The following CDH13 variants were observed in gnomAD, a reference collection of about 807,000 sequenced individuals.
CDH13 encodes cadherin 13, also known as cadherin-13.
CDH13 carries 24 observed loss-of-function variants against 63.8 expected under a neutral mutation model. The ratio of observed to expected loss-of-function variants is 0.38; its 90% CI spans 0.27 to 0.53. The LOEUF (loss-of-function observed/expected upper bound fraction) is 0.53. Ranked by LOEUF, CDH13 falls within the 20% of genes least tolerant of loss-of-function variation. The pLI is 0.85. For missense variants in CDH13, 1,049 were observed against 903.1 expected (o/e 1.16, Z -2.07); for synonymous variants, 503 against 355.3 (o/e 1.42, Z -4.67).
At chr16:82,982,685 C>G (rs549967922) in intron 2 of CDH13, among the ~76,000 whole-genome samples, 17 of 152,302 alleles carry the variant, frequency 1.1e-4, no homozygotes, top group African/African-American at 4.1e-4. Context: ...TTGCACCAAC[C>G]TAGTAGTTGC....
intron 3 of CDH13, among the ~76,000 whole-genome samples, chr16:83,115,860 G>A (rs1256917369): frequency 3.3e-5 from 5 of 152,232 alleles, no homozygotes; most frequent in African/African-American, 1.2e-4. Context: ...TGCAAAGCCA[G>A]GGTCCAGGAG....
chr16:83,117,035 T>C (rs2035338336), intron 3 of CDH13, among the ~76,000 whole-genome samples: 1 of 152,240 alleles, frequency 6.6e-6, no homozygotes, highest in Non-Finnish European at 1.5e-5. Context: ...GAATGTAGCT[T>C]GTTATCTTAC....
chr16:83,767,630 C>T (rs766984396), intron 11 of CDH13, among the ~76,000 whole-genome samples: 31 of 152,168 alleles, frequency 2.0e-4, no homozygotes, highest in Non-Finnish European at 3.8e-4. Context: ...AGATAAACAA[C>T]ATGGTCTATC....
chr16:83,476,609 G>T (rs994610544), intron 6 of CDH13, among the ~76,000 whole-genome samples: 1 of 152,116 alleles, frequency 6.6e-6, no homozygotes, highest in African/African-American at 2.4e-5. Flanking sequence ...GGGGACAGAG[G>T]TTGCTGTGAG....
intron 3 of CDH13, among the ~76,000 whole-genome samples, chr16:83,084,406 C>G (rs764055769): frequency 6.6e-6 from 1 of 152,186 alleles, no homozygotes; most frequent in Non-Finnish European, 1.5e-5. Context: ...CCCTGGGCAG[C>G]TGAATTACTG....
At chr16:83,094,268 T>C (rs577025305) in intron 3 of CDH13, among the ~76,000 whole-genome samples, 18 of 152,286 alleles carry the variant, frequency 1.2e-4, no homozygotes, top group Admixed American at 5.9e-4. Flanking sequence ...CTCTTTGTCA[T>C]TGCAATGGGG....
chr16:83,054,032 G>C (rs2030665761), intron 3 of CDH13, among the ~76,000 whole-genome samples: 1 of 152,106 alleles, frequency 6.6e-6, no homozygotes, highest in Non-Finnish European at 1.5e-5. Context: ...AAATACCATT[G>C]TGTTACAACT....
At chr16:83,448,810 G>C (rs1363309150) in intron 6 of CDH13, among the ~76,000 whole-genome samples, 1 of 152,130 alleles carries the variant, frequency 6.6e-6, no homozygotes, top group Non-Finnish European at 1.5e-5. Flanking sequence ...AGGATAGGGT[G>C]GACTGGTTCC....
rs763024980 is a variant in CDH13, at chr16:83,444,026, G to A, written c.782-42451G>A. ...CAAAGACGGTGGTGAAGGTGATGGC[G>A]ATGATCATGGTGATGATGATGGGCT... On this transcript the variant is annotated intron_variant, in intron 6 of 13. Coordinates refer to ENST00000567109, the MANE Select transcript of CDH13 (RefSeq NM_001257.5). Among the ~76,000 whole-genome samples the A allele has an allele frequency of 2.5e-4, 38 of 150,842 alleles. 2 individuals carry two copies. Among genetic ancestry groups the A allele is most frequent in the Non-Finnish European group, 4.9e-4 (33 of 67,618 alleles).
chr16:83,124,244 C>T (rs2151642488), intron 3 of CDH13, among the ~76,000 whole-genome samples: 1 of 152,234 alleles, frequency 6.6e-6, no homozygotes, highest in South Asian at 2.1e-4. Context: ...CCTGGTTTCA[C>T]CATGTTGGCC....
intron 10 of CDH13, among the ~76,000 whole-genome samples, chr16:83,688,576 C>G (rs768118072): frequency 8.5e-5 from 13 of 152,118 alleles, no homozygotes; most frequent in Non-Finnish European, 1.8e-4. Context: ...TGGTTACTGA[C>G]CTCAATAACA....
chr16:83,369,556 C>T (rs539440051), intron 6 of CDH13, among the ~76,000 whole-genome samples: 80 of 152,226 alleles, frequency 5.3e-4, no homozygotes, highest in Middle Eastern at 6.8e-3. Context: ...GCAGCTAGGA[C>T]TACAGGTGTG....
chr16:83,710,749 G>T (rs141386223), intron 10 of CDH13, among the ~76,000 whole-genome samples: 1 of 152,132 alleles, frequency 6.6e-6, no homozygotes, highest in Non-Finnish European at 1.5e-5. Flanking sequence ...TGTGTGAAGC[G>T]CTTAGCACCG....
chr16:83,359,302 G>A (rs935716659), intron 6 of CDH13, among the ~76,000 whole-genome samples: 1 of 152,138 alleles, frequency 6.6e-6, no homozygotes, highest in Admixed American at 6.5e-5. Context: ...TTGATCATGA[G>A]GCTAATAACA....
intron 8 of CDH13, among the ~76,000 whole-genome samples, chr16:83,646,975 C>A (rs1202141495): frequency 6.6e-6 from 1 of 152,058 alleles, no homozygotes; most frequent in Non-Finnish European, 1.5e-5. Flanking sequence ...CTACACCAGG[C>A]ACCTGGGACT....
At chr16:83,230,146 T>C (rs1368650522) in intron 5 of CDH13, among the ~76,000 whole-genome samples, 1 of 152,156 alleles carries the variant, frequency 6.6e-6, no homozygotes, top group Non-Finnish European at 1.5e-5. Context: ...TCACAATTAG[T>C]CGTGAATGCA....
intron 1 of CDH13, among the ~76,000 whole-genome samples, chr16:82,840,875 T>A (rs1168080612): frequency 6.6e-6 from 1 of 151,928 alleles, no homozygotes; most frequent in Non-Finnish European, 1.5e-5. Flanking sequence ...TTCCTATGAG[T>A]GTTGGTAGAT....
chr16:83,667,516 G>A (rs1433614145), intron 8 of CDH13, among the ~76,000 whole-genome samples: 1 of 152,108 alleles, frequency 6.6e-6, no homozygotes, highest in African/African-American at 2.4e-5. Context: ...ACCTGCTCAT[G>A]TGTTGGGCAC....
At chr16:83,053,049 G>T (rs1165180137) in intron 3 of CDH13, among the ~76,000 whole-genome samples, 1 of 152,092 alleles carries the variant, frequency 6.6e-6, no homozygotes, top group African/African-American at 2.4e-5. Flanking sequence ...TTCTGTTGGT[G>T]AAATGGGAAT....
Sources: gnomAD v4.1 joint callset for allele counts (sites outside exome capture counted in the v4.1 genomes callset) on GRCh38, gnomAD v4.1.1 for gene constraint, MANE v1.5 for transcripts, NCBI Gene and HGNC (gene_info 2026-07-23, HGNC 2026-07-21) for gene names.